The following CD244 variants were observed in gnomAD, a reference collection of about 807,000 sequenced individuals.
The protein encoded by CD244 is natural killer cell receptor 2B4.
Under a neutral mutation model 45.5 loss-of-function variants are expected in CD244, and 20 were observed. That is an observed-to-expected ratio of 0.44 (90% CI 0.31 to 0.64). The LOEUF (loss-of-function observed/expected upper bound fraction) is 0.64, where lower values mean the gene tolerates loss of function less well. Among genes scored for constraint, CD244 ranks in the 30% least tolerant of loss-of-function variants. The pLI, the probability that CD244 is intolerant of heterozygous loss-of-function variation, is 0.08. For synonymous variants in CD244, 185 were observed against 160.5 expected, an observed-to-expected ratio of 1.15 and a Z score of -1.15; for missense variants, 407 against 426.9, an observed-to-expected ratio of 0.95 and a Z score of 0.41.
intron 3 of CD244, among the ~76,000 whole-genome samples, chr1:160,839,870 C>T (rs1030343020): frequency 3.3e-5 from 5 of 152,186 alleles, no homozygotes; most frequent in African/African-American, 1.2e-4. Flanking sequence ...TCCACTATTC[C>T]TTCCTTCATG....
rs1669425484 is a variant in CD244 at position 160,838,834 on chromosome 1, G to C, written c.766+105C>G. The C allele has an allele frequency of 6.6e-6, 5 of 757,490 alleles. No homozygotes were observed. In the South Asian group the frequency reaches 9.1e-5, roughly 14 times the overall value. The allele number at this position is 757,490 out of a possible 1,614,324, so 46.9% of individuals were successfully genotyped here. A position where few individuals can be genotyped will look rare whatever the true frequency, so the allele number is the denominator to read the frequency against. On this transcript the variant is annotated intron_variant, in intron 4 of 8. Coordinates refer to ENST00000368034, the MANE Select transcript of CD244 (RefSeq NM_016382.4). Reference sequence around the variant, plus strand: ...CACAAACATACCAAAGCTCGTTGAGGAAAAGGAGATGCTGTGCTCCCAGAC... The same window carrying C: ...CACAAACATACCAAAGCTCGTTGAGCAAAAGGAGATGCTGTGCTCCCAGAC...
At position 160,862,759 on chromosome 1, in the gene CD244, G is replaced by A; in HGVS notation, c.-82C>T. 7.8e-7 allele frequency: 1 copy of A among 1,275,668 alleles called. No individual in the cohort carries two copies. The highest frequency in any genetic ancestry group is 1.1e-6 in the Non-Finnish European group (1 of 891,598). The allele number at this position is 1,275,668 out of a possible 1,614,324, so 79.0% of individuals were successfully genotyped here. A position where few individuals can be genotyped will look rare whatever the true frequency, so the allele number is the denominator to read the frequency against. On this transcript the variant is annotated 5_prime_UTR_variant, in exon 1 of 9. Transcript: ENST00000368034. The stretch of plus-strand genomic sequence containing the variant: ...GCACGGGCTCAGCAGTCCCCAGTCA[G>A]CAAGAGGACGATGGGGAGCAGAACT...
At chr1:160,846,094 G>T (rs551395396) in intron 1 of CD244, among the ~76,000 whole-genome samples, 2 of 152,020 alleles carry the variant, frequency 1.3e-5, no homozygotes, top group Non-Finnish European at 2.9e-5. Flanking sequence ...GGGTACAGGT[G>T]GTGTTTGGTT....
intron 7 of CD244, chr1:160,832,851 C>CAT (rs1669175593): frequency 3.3e-6 from 1 of 304,260 alleles, no homozygotes; most frequent in Non-Finnish European, 6.1e-6. Context: ...AAAACCCATA[C>CAT]ACATATGTGT....
intron 1 of CD244, among the ~76,000 whole-genome samples, chr1:160,859,386 T>C (rs1373625654): frequency 6.6e-6 from 1 of 152,224 alleles, no homozygotes; most frequent in Non-Finnish European, 1.5e-5. Context: ...TGGAAGAATT[T>C]CGCAATGCTC....
chr1:160,843,656 A>G (rs1208190353), intron 1 of CD244, among the ~76,000 whole-genome samples: 4 of 152,250 alleles, frequency 2.6e-5, no homozygotes, highest in African/African-American at 9.6e-5. Context: ...CCAGGTTAAG[A>G]CATGCTAACC....
At chr1:160,857,220 T>G (rs2101894992) in intron 1 of CD244, among the ~76,000 whole-genome samples, 1 of 152,340 alleles carries the variant, frequency 6.6e-6, no homozygotes, top group East Asian at 1.9e-4. Flanking sequence ...GGAACTCTCA[T>G]GCACTATTTG....
chr1:160,860,899 TCAGGAAGACCCAAGTC>T (rs945689518), intron 1 of CD244, among the ~76,000 whole-genome samples: 10 of 152,188 alleles, frequency 6.6e-5, no homozygotes, highest in Non-Finnish European at 1.3e-4. Context: ...AGGAAGCAGC[TCAGGAAGACCCAAGTC>T]CATCCCTCCC....
At chr1:160,860,555 G>C (rs899858962) in intron 1 of CD244, among the ~76,000 whole-genome samples, 3 of 152,184 alleles carry the variant, frequency 2.0e-5, no homozygotes, top group Middle Eastern at 3.2e-3. Flanking sequence ...TTGTGCTGTA[G>C]TAACATGAGA....
chr1:160,833,851 T>A (rs1428853552), intron 7 of CD244, among the ~76,000 whole-genome samples, 200 bp downstream of exon 7: 1 of 152,232 alleles, frequency 6.6e-6, no homozygotes, highest in African/African-American at 2.4e-5. Context: ...TAGAAGCTGT[T>A]ATTTTTCTCC....
Position 160,830,690 on chromosome 1 carries a change from T to C in CD244, c.*657A>G, listed in dbSNP as rs485618. 0.54 allele frequency: 82,911 copies of C among 152,214 alleles called. 23,380 individuals are homozygous for C. The highest frequency in any genetic ancestry group is 0.71 in the East Asian group (3,670 of 5,196). 9.4% of individuals were successfully genotyped at this position (152,214 alleles called of 1,614,324 possible). On this transcript the variant is annotated 3_prime_UTR_variant, in exon 9 of 9. Coordinates refer to ENST00000368034, the MANE Select transcript of CD244 (RefSeq NM_016382.4). ...ATGTGCTCTGGGTGATTTTTCTACT[T>C]AGAGATGGGCTTGCTTTGCACCATC...
chr1:160,856,039 C>T (rs572686092), intron 1 of CD244, among the ~76,000 whole-genome samples: 1 of 152,296 alleles, frequency 6.6e-6, no homozygotes, highest in East Asian at 1.9e-4. Flanking sequence ...GAATTTCCAC[C>T]AGCCAACAAA....
intron 5 of CD244, 115 bp from the exon 6 acceptor site, chr1:160,836,369 G>A: frequency 1.3e-6 from 1 of 771,738 alleles, no homozygotes; most frequent in South Asian, 1.5e-5. Context: ...TGGGAGGGAG[G>A]TGGCAGGACT....
At chr1:160,837,533 C>G (rs372423207) in intron 5 of CD244, among the ~76,000 whole-genome samples, 1 of 152,198 alleles carries the variant, frequency 6.6e-6, no homozygotes, top group Non-Finnish European at 1.5e-5. Flanking sequence ...GGGAGCTGCT[C>G]TAACAGCCTC....
At chr1:160,848,407 A>AG in intron 1 of CD244, 1 of 556,476 alleles carries the variant, frequency 1.8e-6, no homozygotes. Context: ...GCAAGTTGAA[A>AG]GGGGGCATGA....
chr1:160,859,362 AAAG>A (rs1039350269), intron 1 of CD244, among the ~76,000 whole-genome samples: 6 of 152,226 alleles, frequency 3.9e-5, no homozygotes, highest in Admixed American at 6.5e-5. Flanking sequence ...ACTCTGCATG[AAAG>A]AAGAAGTCTT....
intron 1 of CD244, among the ~76,000 whole-genome samples, chr1:160,859,975 G>A (rs1034721617): frequency 6.6e-6 from 1 of 152,096 alleles, no homozygotes; most frequent in African/African-American, 2.4e-5. Flanking sequence ...GAGAGGCGGA[G>A]GTGGGTGGAT....
At chr1:160,843,626 T>C (rs1194579777) in intron 1 of CD244, among the ~76,000 whole-genome samples, 2 of 152,194 alleles carry the variant, frequency 1.3e-5, no homozygotes, top group Non-Finnish European at 2.9e-5. Flanking sequence ...TCGAAGGAAT[T>C]CTAATTATGT....
At chr1:160,836,307 AT>A in intron 5 of CD244, 53 bp from the exon 6 acceptor site, 1 of 1,419,446 alleles carries the variant, frequency 7.0e-7, no homozygotes, top group Non-Finnish European at 9.9e-7. Flanking sequence ...GTCTGTCCAG[AT>A]TTAGATTGAG....
Sources: gnomAD v4.1 joint callset for allele counts (sites outside exome capture counted in the v4.1 genomes callset) on GRCh38, gnomAD v4.1.1 for gene constraint, MANE v1.5 for transcripts, NCBI Gene and HGNC (gene_info 2026-07-23, HGNC 2026-07-21) for gene names.